SSH1: variants seen among roughly 807,000 people sequenced by gnomAD.
SSH1 encodes the protein protein phosphatase Slingshot homolog 1.
SSH1 carries 43 observed loss-of-function variants against 79.7 expected under a neutral mutation model. That is an observed-to-expected ratio of 0.54 (90% CI 0.42 to 0.70). The LOEUF is 0.70. Ranked by LOEUF, SSH1 falls within the 30% of genes least tolerant of loss-of-function variation. The pLI is 0.00. For missense variants in SSH1, 1,206 were observed against 1,358.8 expected (o/e 0.89, Z 1.77); for synonymous variants, 599 against 538.3 (o/e 1.11, Z -1.56).
intron 2 of SSH1, among the ~76,000 whole-genome samples, chr12:108,830,047 C>G (rs2137221609): frequency 6.6e-6 from 1 of 152,284 alleles, no homozygotes; most frequent in Middle Eastern, 3.4e-3. Flanking sequence ...GTCAAGGCTA[C>G]AGTGAGCTGT....
At chr12:108,810,216 T>A (rs189638369) in intron 6 of SSH1, among the ~76,000 whole-genome samples, 60 of 151,282 alleles carry the variant, frequency 4.0e-4, no homozygotes, top group Middle Eastern at 3.5e-3. Context: ...AAAATACTAA[T>A]ATAAAATATA....
At chr12:108,806,220 T>C in intron 9 of SSH1, 81 bp downstream of exon 9, 4 of 1,359,240 alleles carry the variant, frequency 2.9e-6, no homozygotes, top group Admixed American at 3.3e-5. Context: ...ATGTTGGGCC[T>C]GCTTTTGCTG....
intron 2 of SSH1, among the ~76,000 whole-genome samples, chr12:108,841,574 G>A (rs771686450): frequency 2.2e-4 from 33 of 152,218 alleles, no homozygotes; most frequent in Middle Eastern, 3.4e-3. Flanking sequence ...TTGGGAGGCC[G>A]AGGCGAGTGG....
chr12:108,849,484 G>A (rs1269344540), intron 2 of SSH1, among the ~76,000 whole-genome samples: 1 of 152,144 alleles, frequency 6.6e-6, no homozygotes, highest in Non-Finnish European at 1.5e-5. Context: ...TTGGCCCCAG[G>A]AGTTCAAGGC....
chr12:108,853,368 T>C (rs1319281782), intron 1 of SSH1: 1 of 984,632 alleles, frequency 1.0e-6, no homozygotes, highest in East Asian at 1.1e-4. Flanking sequence ...GAGAGCAAAC[T>C]GAAAATAAGA....
Position 108,788,580 on chromosome 12 carries a change from G to A in SSH1, c.2558C>T (p.Ala853Val), listed in dbSNP as rs138759727. The A allele has an allele frequency of 2.2e-5, 35 of 1,601,330 alleles. No homozygotes were observed. Among genetic ancestry groups the A allele is most frequent in the Non-Finnish European group, 2.7e-5 (32 of 1,171,906 alleles). Residue 853 changes from alanine (A) to valine (V), a missense_variant, in exon 15 of 15, where the codon GCC becomes GTC. Physicochemically the swap from Ala to Val is moderately conservative, Grantham distance 64. Around this residue, in one of 5 missense-constraint regions of SSH1, gnomAD observed 709 missense variants for 730.6 expected, o/e 0.97. Transcript: ENST00000326495. ...ATCCTGGCTCTCCTCGGGGATGCTGGCCTCCAGCCTGCTGGCAGGGCCATC... is the reference window on the plus strand; with the variant it reads ...ATCCTGGCTCTCCTCGGGGATGCTGACCTCCAGCCTGCTGGCAGGGCCATC... The part of the protein sequence containing the change: ...SRDGPASRLE[A>V]SIPEESQDPA...
intron 5 of SSH1, among the ~76,000 whole-genome samples, chr12:108,815,829 T>C (rs1346515463): frequency 1.3e-5 from 2 of 152,220 alleles, no homozygotes; most frequent in African/African-American, 4.8e-5. Flanking sequence ...ATTTATTATG[T>C]ACTGCGGGGG....
chr12:108,826,308 G>A, intron 2 of SSH1: 1 of 369,584 alleles, frequency 2.7e-6, no homozygotes, highest in Non-Finnish European at 5.2e-6. Context: ...AAGAATCAGG[G>A]ACTCCTGCTC....
At chr12:108,854,237 G>A (rs1467065851) in intron 1 of SSH1, among the ~76,000 whole-genome samples, 1 of 152,202 alleles carries the variant, frequency 6.6e-6, no homozygotes, top group Non-Finnish European at 1.5e-5. Context: ...CAACACACAG[G>A]ATGGTCCCCC....
At chr12:108,853,633 G>T (rs927562933) in intron 1 of SSH1, among the ~76,000 whole-genome samples, 1 of 152,110 alleles carries the variant, frequency 6.6e-6, no homozygotes, top group Admixed American at 6.6e-5. Context: ...AACCAAGAAT[G>T]AGTACACCAG....
chr12:108,795,093 A>C (rs1210775679), intron 13 of SSH1, among the ~76,000 whole-genome samples: 1 of 152,146 alleles, frequency 6.6e-6, no homozygotes, highest in Non-Finnish European at 1.5e-5. Context: ...GAAGCCCTCA[A>C]AATTATCTTC....
At chr12:108,846,131 A>G (rs117646240) in intron 2 of SSH1, among the ~76,000 whole-genome samples, 96 of 152,336 alleles carry the variant, frequency 6.3e-4, no homozygotes, top group Middle Eastern at 6.8e-3. Flanking sequence ...AGAAAGGCAG[A>G]GGAGTCAGGG....
intron 14 of SSH1, among the ~76,000 whole-genome samples, chr12:108,791,477 A>C (rs1399925757): frequency 6.6e-6 from 1 of 152,190 alleles, no homozygotes; most frequent in Non-Finnish European, 1.5e-5. Context: ...TTATGAATAA[A>C]ATGATATATC....
chr12:108,837,791 T>C (rs2038675753), intron 2 of SSH1, among the ~76,000 whole-genome samples: 1 of 151,994 alleles, frequency 6.6e-6, no homozygotes, highest in African/African-American at 2.4e-5. Context: ...TTTTTTTTTT[T>C]CCTTTGAGAC....
chr12:108,800,664 C>G, intron 12 of SSH1, 116 bp downstream of exon 12: 1 of 1,248,144 alleles, frequency 8.0e-7, no homozygotes, highest in East Asian at 2.3e-5. Context: ...GTCTGGAGTC[C>G]CGTTAGGATC....
At chr12:108,821,088 C>T (rs182975681) in intron 3 of SSH1, among the ~76,000 whole-genome samples, 41 of 152,290 alleles carry the variant, frequency 2.7e-4, no homozygotes, top group African/African-American at 9.6e-4. Context: ...AATTCAAGAA[C>T]GAAGAATCTG....
At chr12:108,838,627 C>T (rs2038699995) in intron 2 of SSH1, among the ~76,000 whole-genome samples, 1 of 152,156 alleles carries the variant, frequency 6.6e-6, no homozygotes, top group East Asian at 1.9e-4. Context: ...TGCTGCTGAC[C>T]TCACCTCTTA....
chr12:108,846,029 TGAAGGCAAAACC>T (rs1345361045), intron 2 of SSH1, among the ~76,000 whole-genome samples: 2 of 151,360 alleles, frequency 1.3e-5, no homozygotes, highest in Non-Finnish European at 2.9e-5. Context: ...GGGGAGGGGG[TGAAGGCAAAACC>T]ACACTTCAAA....
rs2036135475 is a variant in SSH1, at chr12:108,780,538, A to T, written c.*7450T>A. The T allele has an allele frequency of 6.6e-6, 1 of 152,208 alleles. No individual in the cohort carries two copies. The highest frequency in any genetic ancestry group is 2.4e-5 in the African/African-American group (1 of 41,452). 9.4% of individuals were successfully genotyped at this position (152,208 alleles called of 1,614,324 possible). Reference sequence around the variant, plus strand: ...TCATATTCTTATTTTGATGGTTTCTAAACTTGGCCATCAGAATTCCCAGGG... The same window carrying T: ...TCATATTCTTATTTTGATGGTTTCTTAACTTGGCCATCAGAATTCCCAGGG... On this transcript the variant is annotated 3_prime_UTR_variant, in exon 15 of 15. Coordinates refer to ENST00000326495, the MANE Select transcript of SSH1 (RefSeq NM_018984.4).
Sources: allele counts gnomAD v4.1 joint callset (sites outside exome capture counted in the v4.1 genomes callset), GRCh38; gene constraint gnomAD v4.1.1; regional missense constraint gnomAD v4.1.1; transcripts MANE v1.5; gene names NCBI Gene and HGNC (gene_info 2026-07-23, HGNC 2026-07-21).